Variants in SLC15A1 observed in about 807,000 individuals in gnomAD.
The protein encoded by SLC15A1 is Caco-2 oligopeptide transporter.
In SLC15A1, 83 loss-of-function variants were observed where a neutral mutation model predicts 92.9. The ratio of observed to expected loss-of-function variants is 0.89; its 90% CI spans 0.75 to 1.07. The LOEUF (loss-of-function observed/expected upper bound fraction) is 1.07, where lower values mean the gene tolerates loss of function less well. Ranked by LOEUF, SLC15A1 falls within the 50% of genes least tolerant of loss-of-function variation. The probability of loss-of-function intolerance (pLI) is 0.00; values close to 1 mark genes in which losing one functional copy is unlikely to be tolerated. For missense variants in SLC15A1, 857 were observed against 880.1 expected, an observed-to-expected ratio of 0.97 and a Z score of 0.33; for synonymous variants, 322 against 318.2, an observed-to-expected ratio of 1.01 and a Z score of -0.13.
intron 9 of SLC15A1, among the ~76,000 whole-genome samples, chr13:98,715,449 G>C (rs750799051): frequency 6.6e-6 from 1 of 152,046 alleles, no homozygotes. Flanking sequence ...CTGGGACTAC[G>C]GGCATGAGCC....
intron 1 of SLC15A1, among the ~76,000 whole-genome samples, chr13:98,728,083 T>A (rs1023753230): frequency 6.6e-6 from 1 of 152,200 alleles, no homozygotes; most frequent in African/African-American, 2.4e-5. Context: ...GCAGTGTGCT[T>A]TGGGAATCAC....
intron 10 of SLC15A1, 137 bp downstream of exon 10, chr13:98,712,361 A>T: frequency 3.0e-6 from 2 of 657,520 alleles, no homozygotes; most frequent in Non-Finnish European, 5.3e-6. Context: ...ACTCATGCAT[A>T]GTTTTATTTA....
intron 1 of SLC15A1, among the ~76,000 whole-genome samples, chr13:98,744,984 G>A (rs1418006419): frequency 6.6e-6 from 1 of 152,122 alleles, no homozygotes; most frequent in Non-Finnish European, 1.5e-5. Context: ...GAATTAGCAT[G>A]CATAGCAGAA....
intron 18 of SLC15A1, among the ~76,000 whole-genome samples, chr13:98,692,079 GA>G (rs1416332600): frequency 6.0e-5 from 5 of 82,836 alleles, no homozygotes; most frequent in Admixed American, 5.2e-4. Context: ...ATCTCAAAAA[GA>G]AAAAAAAAGA....
intron 1 of SLC15A1, among the ~76,000 whole-genome samples, chr13:98,728,719 AC>A (rs2088321994): frequency 2.0e-5 from 3 of 151,926 alleles, no homozygotes; most frequent in African/African-American, 7.3e-5. Context: ...GGTGGCTCAC[AC>A]CTGTAATCCC....
intron 1 of SLC15A1, among the ~76,000 whole-genome samples, chr13:98,727,620 G>T (rs768657061): frequency 6.6e-6 from 1 of 152,088 alleles, no homozygotes; most frequent in Non-Finnish European, 1.5e-5. Flanking sequence ...GTGCATCCTA[G>T]GAGCGCCTCA....
At position 98,704,339 on chromosome 13, in the gene SLC15A1, G is replaced by A; in HGVS notation, c.1366C>T (p.Gln456Ter). Residue 456 changes from glutamine (Q) to a stop codon, truncating the protein, a stop_gained, in exon 17 of 23, where the codon CAG (glutamine) becomes TAG (stop). Coordinates refer to ENST00000376503, the MANE Select transcript of SLC15A1 (RefSeq NM_005073.4). LOFTEE classifies it high-confidence loss of function. ...PVTAVTDDFK[Q>*]GQRHTLLVWA... ...ACTAGAAGCGTGTGGCGTTGGCCCT[G>A]CTTGAAGTCGTCAGTTACAGCAGTG... is the stretch of plus-strand genomic sequence containing the variant. The A allele has an allele frequency of 1.2e-6, 2 of 1,613,948 alleles. No homozygotes were observed. Among genetic ancestry groups the A allele is most frequent in the Non-Finnish European group, 1.7e-6 (2 of 1,179,892 alleles).
At chr13:98,709,344 C>G (rs984183858) in intron 14 of SLC15A1, among the ~76,000 whole-genome samples, 2 of 152,166 alleles carry the variant, frequency 1.3e-5, no homozygotes, top group Admixed American at 1.3e-4. Context: ...CTATCATCTG[C>G]GTAGAGAAGA....
chr13:98,700,424 G>T (rs1476662263), intron 18 of SLC15A1, among the ~76,000 whole-genome samples: 1 of 134,816 alleles, frequency 7.4e-6, no homozygotes, highest in Non-Finnish European at 1.5e-5. Flanking sequence ...GGATGAGGCT[G>T]CAGTGAGCTG....
In SLC15A1 at chr13:98,706,233, G is replaced by T; in HGVS notation, c.1170C>A (p.Pro390=). 2 of 1,612,830 alleles carry T rather than the reference G, an allele frequency of 1.2e-6. No individual in the cohort carries two copies. The highest frequency in any genetic ancestry group is 2.2e-5 in the South Asian group (2 of 90,694). The change falls in exon 16 of 23, where the codon CCC becomes CCA. Residue 390 remains proline (P), a synonymous_variant. Coordinates refer to ENST00000376503, the MANE Select transcript of SLC15A1 (RefSeq NM_005073.4). ...VEIDKTLPVF[P]KGNEVQIKVL... The stretch of plus-strand genomic sequence containing the variant: ...CTTTAATTTGGACTTCGTTTCCTTT[G>T]GGGAAGACTGGAAGAGTTTTCTGAG...
At chr13:98,721,076 A>C (rs2088253382) in intron 7 of SLC15A1, 1 of 467,106 alleles carries the variant, frequency 2.1e-6, no homozygotes, top group Non-Finnish European at 4.4e-6. Context: ...CAAACAAAAA[A>C]TCAATACAAT....
At chr13:98,692,289 G>A (rs1397365723) in intron 18 of SLC15A1, among the ~76,000 whole-genome samples, 3 of 151,738 alleles carry the variant, frequency 2.0e-5, no homozygotes, top group Non-Finnish European at 4.4e-5. Context: ...AAGTAGCTAG[G>A]ACTGCAGGAG....
At chr13:98,698,408 A>G (rs1408087566) in intron 18 of SLC15A1, among the ~76,000 whole-genome samples, 1 of 152,148 alleles carries the variant, frequency 6.6e-6, no homozygotes, top group Non-Finnish European at 1.5e-5. Context: ...TTTCACCACC[A>G]TTTGTATTAG....
At chr13:98,708,340 C>T (rs2088132199) in intron 15 of SLC15A1, among the ~76,000 whole-genome samples, 1 of 152,152 alleles carries the variant, frequency 6.6e-6, no homozygotes, top group Non-Finnish European at 1.5e-5. Flanking sequence ...ATCAAAAAGA[C>T]CATTTACACA....
At chr13:98,724,316 C>A (rs1732751272) in intron 4 of SLC15A1, among the ~76,000 whole-genome samples, 1 of 152,062 alleles carries the variant, frequency 6.6e-6, no homozygotes, top group Non-Finnish European at 1.5e-5. Context: ...CCAGCCTGGG[C>A]AACATAGCAA....
chr13:98,714,906 C>A (rs1289841641), intron 9 of SLC15A1, among the ~76,000 whole-genome samples: 6 of 152,190 alleles, frequency 3.9e-5, no homozygotes, highest in Admixed American at 1.3e-4. Flanking sequence ...ATTCTACTCT[C>A]AACATTTATT....
intron 9 of SLC15A1, among the ~76,000 whole-genome samples, chr13:98,713,123 C>T (rs1409909950): frequency 2.0e-5 from 3 of 152,328 alleles, no homozygotes; most frequent in South Asian, 2.1e-4. Context: ...GTGGCACTGT[C>T]TTGGCTCACT....
intron 1 of SLC15A1, among the ~76,000 whole-genome samples, chr13:98,749,291 A>G (rs1319434654): frequency 6.6e-6 from 1 of 152,194 alleles, no homozygotes; most frequent in African/African-American, 2.4e-5. Flanking sequence ...CAGAATCACA[A>G]ACAAGGCCAG....
chr13:98,707,891 T>TTTAAAAAAAA (rs1315915894), intron 15 of SLC15A1, among the ~76,000 whole-genome samples: 1 of 106,852 alleles, frequency 9.4e-6, no homozygotes, highest in African/African-American at 4.0e-5. Flanking sequence ...AGACCCTGTT[T>TTTAAAAAAAA]AAAAAAAAAA....
Sources: allele counts gnomAD v4.1 joint callset (sites outside exome capture counted in the v4.1 genomes callset), GRCh38; gene constraint gnomAD v4.1.1; transcripts MANE v1.5; gene names NCBI Gene and HGNC (gene_info 2026-07-23, HGNC 2026-07-21).